MGAT4C: variants seen among roughly 807,000 people sequenced by gnomAD.
MGAT4C encodes alpha-1,3-mannosyl-glycoprotein 4-beta-N-acetylglucosaminyltransferase C.
MGAT4C carries 19 observed loss-of-function variants against 40.1 expected under a neutral mutation model. The ratio of observed to expected loss-of-function variants is 0.47; its 90% CI spans 0.33 to 0.70. MGAT4C has a LOEUF of 0.70. MGAT4C is among the 30% of genes least tolerant of loss of function. The pLI, the probability that MGAT4C is intolerant of heterozygous loss-of-function variation, is 0.02. For missense variants in MGAT4C, 491 were observed against 563.2 expected, an observed-to-expected ratio of 0.87 and a Z score of 1.30; for synonymous variants, 181 against 187.1, an observed-to-expected ratio of 0.97 and a Z score of 0.27.
intron 2 of MGAT4C, among the ~76,000 whole-genome samples, chr12:86,499,820 A>T: frequency 6.6e-6 from 1 of 152,012 alleles, no homozygotes; most frequent in East Asian, 1.9e-4. Context: ...GAAGAGAAAT[A>T]AAAATACTTC....
intron 2 of MGAT4C, among the ~76,000 whole-genome samples, chr12:86,687,271 T>C (rs1350440823): frequency 6.6e-6 from 1 of 152,188 alleles, no homozygotes; most frequent in Non-Finnish European, 1.5e-5. Context: ...ACTTTGTTAG[T>C]CTTTTCAAAA....
chr12:86,590,246 TGAAA>T (rs1961269500), intron 2 of MGAT4C, among the ~76,000 whole-genome samples: 1 of 151,776 alleles, frequency 6.6e-6, no homozygotes, highest in Non-Finnish European at 1.5e-5. Flanking sequence ...TTACCAAGGA[TGAAA>T]TTGAAGCTCA....
At chr12:86,252,089 T>C (rs1952311338) in intron 1 of MGAT4C, among the ~76,000 whole-genome samples, 1 of 152,066 alleles carries the variant, frequency 6.6e-6, no homozygotes, top group Non-Finnish European at 1.5e-5. Context: ...AACAAGCTTC[T>C]CTGTCTCTAA....
chr12:86,017,388 T>G (rs1320561102), intron 2 of MGAT4C, among the ~76,000 whole-genome samples: 1 of 152,070 alleles, frequency 6.6e-6, no homozygotes, highest in Non-Finnish European at 1.5e-5. Flanking sequence ...ATTGAAAAAA[T>G]GCAAATGAGC....
intron 3 of MGAT4C, among the ~76,000 whole-genome samples, chr12:86,377,639 C>T (rs1008585968): frequency 3.3e-5 from 5 of 152,086 alleles, no homozygotes; most frequent in African/African-American, 1.2e-4. Context: ...GATTTTTTCA[C>T]CAAAGATCAA....
intron 2 of MGAT4C, among the ~76,000 whole-genome samples, chr12:86,592,180 C>T (rs1378535507): frequency 6.6e-6 from 1 of 151,950 alleles, no homozygotes; most frequent in African/African-American, 2.4e-5. Flanking sequence ...TTGATTGAAC[C>T]AAATCAAGTA....
At chr12:86,191,394 A>G (rs1337716992) in intron 1 of MGAT4C, among the ~76,000 whole-genome samples, 1 of 151,892 alleles carries the variant, frequency 6.6e-6, no homozygotes, top group East Asian at 2.0e-4. Flanking sequence ...AAATATTCAA[A>G]ATACATTGAA....
At chr12:86,434,631 G>A (rs1364946776) in intron 3 of MGAT4C, among the ~76,000 whole-genome samples, 1 of 151,880 alleles carries the variant, frequency 6.6e-6, no homozygotes, top group Non-Finnish European at 1.5e-5. Context: ...GAGCTAAAGT[G>A]AGAAAACCAT....
At chr12:86,167,942 A>G (rs1005356847) in intron 1 of MGAT4C, among the ~76,000 whole-genome samples, 1 of 152,194 alleles carries the variant, frequency 6.6e-6, no homozygotes, top group Admixed American at 6.5e-5. Flanking sequence ...ATAGTGAATA[A>G]GGTATGCTGT....
At position 86,250,248 on chromosome 12, in the gene MGAT4C, G is replaced by A. The variant is rs183186269; in HGVS notation, c.-57+5991C>T. 3.5e-3 allele frequency among the ~76,000 whole-genome samples: 530 copies of A among 151,496 alleles called. 3 individuals are homozygous for A. The highest frequency in any genetic ancestry group is 0.012 in the African/African-American group (507 of 41,284). On this transcript the variant is annotated intron_variant, in intron 1 of 4. Transcript: ENST00000611864. ...TTACATTTTTTATCCTTTTCTATTT[G>A]TATCTCTCTTGAGGTAGTATTAAGT...
intron 1 of MGAT4C, among the ~76,000 whole-genome samples, chr12:86,174,924 A>G (rs1887231889): frequency 6.6e-6 from 1 of 152,170 alleles, no homozygotes; most frequent in African/African-American, 2.4e-5. Flanking sequence ...GAATTAATGA[A>G]TATAAAAATT....
chr12:86,093,795 T>G lies in MGAT4C; in HGVS notation c.-56-44072A>C, dbSNP rs901355866. ...CAACACCTACAAGGCCCTTTTAAAT[T>G]ACTCTTATTTACCTGGGAAACGTTT... On this transcript the variant is annotated intron_variant, in intron 1 of 4. Transcript: ENST00000611864. Among the ~76,000 whole-genome samples, 48 of 151,922 alleles carry G rather than the reference T, an allele frequency of 3.2e-4. 1 individual carries two copies. The highest frequency in any genetic ancestry group is 1.5e-5 in the Non-Finnish European group (1 of 67,966).
chr12:86,485,006 A>T (rs767412595), intron 2 of MGAT4C, among the ~76,000 whole-genome samples: 6 of 152,232 alleles, frequency 3.9e-5, no homozygotes, highest in Non-Finnish European at 8.8e-5. Flanking sequence ...ATATTCTGCC[A>T]GTATGTACTA....
chr12:86,442,437 G>C lies in MGAT4C; in HGVS notation c.-228-7172C>G, dbSNP rs554509529. Among the ~76,000 whole-genome samples the C allele has an allele frequency of 3.3e-3, 501 of 152,150 alleles. 3 individuals carry two copies. The highest frequency in any genetic ancestry group is 0.012 in the African/African-American group (479 of 41,504). ...CCTTGCTCATGCCTATGTCCTGAAT[G>C]GTATTGACTAAGTTTTTTTCTAGGG... On this transcript the variant is annotated intron_variant, in intron 2 of 7. Coordinates refer to the MGAT4C transcript ENST00000548651.
intron 1 of MGAT4C, among the ~76,000 whole-genome samples, chr12:86,735,646 C>G (rs1950973993): frequency 6.6e-6 from 1 of 151,690 alleles, no homozygotes; most frequent in Non-Finnish European, 1.5e-5. Context: ...AGGAAATACT[C>G]AAATAAAGAC....
intron 2 of MGAT4C, among the ~76,000 whole-genome samples, chr12:86,480,659 C>T (rs971378522): frequency 1.0e-4 from 15 of 150,048 alleles, no homozygotes; most frequent in African/African-American, 3.2e-4. Context: ...AACATATGTA[C>T]GTATGTGTGT....
intron 2 of MGAT4C, among the ~76,000 whole-genome samples, chr12:86,518,354 A>G (rs1480550572): frequency 6.6e-6 from 1 of 152,212 alleles, no homozygotes; most frequent in Admixed American, 6.5e-5. Flanking sequence ...AAAGTAAATA[A>G]TAAGACAAAG....
chr12:86,118,285 T>C (rs2135671724), intron 1 of MGAT4C, among the ~76,000 whole-genome samples: 1 of 152,306 alleles, frequency 6.6e-6, no homozygotes, highest in Non-Finnish European at 1.5e-5. Context: ...TGACTTGTCC[T>C]ATTGTTCAGG....
intron 2 of MGAT4C, among the ~76,000 whole-genome samples, chr12:86,598,378 T>G (rs1314185797): frequency 1.3e-5 from 2 of 152,124 alleles, no homozygotes; most frequent in African/African-American, 2.4e-5. Flanking sequence ...TGTATAGAGA[T>G]ATATGTATTT....
Sources: allele counts gnomAD v4.1 joint callset (sites outside exome capture counted in the v4.1 genomes callset), GRCh38; gene constraint gnomAD v4.1.1; transcripts MANE v1.5; gene names NCBI Gene and HGNC (gene_info 2026-07-23, HGNC 2026-07-21).